The following PIK3C2A variants were observed in gnomAD, a reference collection of about 807,000 sequenced individuals.
PIK3C2A encodes phosphatidylinositol-4-phosphate 3-kinase catalytic subunit type 2 alpha.
Under a neutral mutation model 204.5 loss-of-function variants are expected in PIK3C2A, and 97 were observed. The ratio of observed to expected loss-of-function variants is 0.47; its 90% CI spans 0.40 to 0.56. The LOEUF (loss-of-function observed/expected upper bound fraction) is 0.56, where lower values mean the gene tolerates loss of function less well. Ranked by LOEUF, PIK3C2A falls within the 20% of genes least tolerant of loss-of-function variation. The probability of loss-of-function intolerance (pLI) is 0.00; values close to 1 mark genes in which losing one functional copy is unlikely to be tolerated. For missense variants in PIK3C2A, 1,735 were observed against 1,969.2 expected (o/e 0.88, Z 2.25); for synonymous variants, 653 against 664.4 (o/e 0.98, Z 0.26).
At chr11:17,189,812 C>CAAAAAA (rs759869051) in intron 1 of PIK3C2A, among the ~76,000 whole-genome samples, 11 of 60,364 alleles carry the variant, frequency 1.8e-4, no homozygotes, top group African/African-American at 2.3e-4. Flanking sequence ...GGCTCTGTCT[C>CAAAAAA]AAAAAAAAAA....
chr11:17,125,124 G>A (rs1032120664), intron 13 of PIK3C2A, among the ~76,000 whole-genome samples: 7 of 152,096 alleles, frequency 4.6e-5, no homozygotes, highest in Non-Finnish European at 7.3e-5. Flanking sequence ...TTATGAAGTT[G>A]CAGAAAAACT....
chr11:17,145,669 T>A lies in PIK3C2A; in HGVS notation c.1703A>T (p.Glu568Val). Reference protein sequence around the residue: ...HNQVELALQIENQHRAVDQVI... With the variant: ...HNQVELALQIVNQHRAVDQVI... ...GCCAAAATGTGAATTAAGACTTACTTCAATTTGAAGAGCCAGTTCTACTTG... is the reference window on the plus strand; with the variant it reads ...GCCAAAATGTGAATTAAGACTTACTACAATTTGAAGAGCCAGTTCTACTTG... The change falls in exon 8 of 33, where the codon GAA becomes GTA. Residue 568 changes from glutamate to valine, a missense_variant and splice_region_variant. By Grantham distance (121) the Glu-to-Val change is moderately radical. Transcript: ENST00000691414. The A allele has an allele frequency of 6.3e-7, 1 of 1,587,378 alleles. No homozygotes were observed. Among genetic ancestry groups the A allele is most frequent in the Non-Finnish European group, 8.6e-7 (1 of 1,158,460 alleles).
intron 1 of PIK3C2A, among the ~76,000 whole-genome samples, chr11:17,185,496 C>A (rs1234733379): frequency 6.6e-6 from 1 of 152,160 alleles, no homozygotes; most frequent in African/African-American, 2.4e-5. Context: ...AAGTTTTAGG[C>A]ATCCACTGGG....
intron 15 of PIK3C2A, among the ~76,000 whole-genome samples, chr11:17,121,191 C>A (rs1254734488): frequency 6.6e-6 from 1 of 152,058 alleles, no homozygotes; most frequent in African/African-American, 2.4e-5. Context: ...GATCATAGAT[C>A]ACTGCAGCCT....
At chr11:17,173,006 AT>A (rs1413892861) in intron 1 of PIK3C2A, among the ~76,000 whole-genome samples, 1 of 152,168 alleles carries the variant, frequency 6.6e-6, no homozygotes, top group African/African-American at 2.4e-5. Context: ...TTCTTTACAC[AT>A]TCTGCCTTGG....
intron 25 of PIK3C2A, 44 bp downstream of exon 25, chr11:17,101,234 T>A (rs760787504): frequency 9.5e-7 from 1 of 1,056,818 alleles, no homozygotes; most frequent in Non-Finnish European, 1.3e-6. Context: ...GAAACATAGA[T>A]GCATTAATAT....
Position 17,150,649 on chromosome 11 carries a change from C to T in PIK3C2A, c.1176G>A (p.Lys392=), listed in dbSNP as rs1420817403. The change falls in exon 4 of 33, where the codon AAG becomes AAA. Residue 392 remains lysine, a synonymous_variant. Transcript: ENST00000691414. ...AAFCRSITKL[K]TKFPYTNHRT... is the part of the protein sequence containing the mutation. ...GGTGATTGGTATATGGAAATTTGGT[C>T]TTCAATCTGTTCACAAGAAAGAAGA... is the stretch of plus-strand genomic sequence containing the variant. 5.0e-6 allele frequency: 8 copies of T among 1,591,128 alleles called. No individual in the cohort carries two copies. The highest frequency in any genetic ancestry group is 4.1e-5 in the African/African-American group (3 of 73,134).
At chr11:17,127,145 A>G (rs1451252951) in intron 13 of PIK3C2A, among the ~76,000 whole-genome samples, 1 of 152,214 alleles carries the variant, frequency 6.6e-6, no homozygotes, top group African/African-American at 2.4e-5. Flanking sequence ...CACCATTAAC[A>G]GTAATCCCTT....
At chr11:17,202,552 C>T (rs927219262) in intron 1 of PIK3C2A, among the ~76,000 whole-genome samples, 1 of 151,596 alleles carries the variant, frequency 6.6e-6, no homozygotes, top group African/African-American at 2.4e-5. Context: ...CCAGCCTGAG[C>T]GACACAGAGA....
rs549137813 is a variant in PIK3C2A, at chr11:17,127,780, ATTTGT to A, written c.2399+1515_2399+1519del. Among the ~76,000 whole-genome samples, 383 of 152,330 alleles carry A rather than the reference ATTTGT, an allele frequency of 2.5e-3. 2 individuals are homozygous for A. Among genetic ancestry groups the A allele is most frequent in the African/African-American group, 8.8e-3 (366 of 41,590 alleles). ...ATTAGCAGAAATTTTCATTCTCGGT[ATTTGT>A]TTTAAGTTAAATAGATCTATTATTA... On this transcript the variant is annotated intron_variant, in intron 13 of 32. Coordinates refer to ENST00000691414, the MANE Select transcript of PIK3C2A (RefSeq NM_002645.4).
At chr11:17,110,373 C>T (rs575146927) in intron 22 of PIK3C2A, 59 bp downstream of exon 22, 5 of 1,332,652 alleles carry the variant, frequency 3.8e-6, no homozygotes, top group South Asian at 1.4e-5. Flanking sequence ...ACGGCAGGTA[C>T]ACTTTAAGCT....
In PIK3C2A at chr11:17,167,839, T is replaced by C. The variant is rs186454691; in HGVS notation, c.1065+838A>G. Among the ~76,000 whole-genome samples, 24 of 152,196 alleles carry C rather than the reference T, an allele frequency of 1.6e-4. No homozygotes were observed. The East Asian group carries it at 2.9e-3, about 18-fold the overall frequency. ...CACAGATATAAAAGCAAAACACAAA[T>C]CTGCAATGGTAATATTTCATTCTTC... On this transcript the variant is annotated intron_variant, in intron 2 of 32. Coordinates refer to ENST00000691414, the MANE Select transcript of PIK3C2A (RefSeq NM_002645.4).
At chr11:17,177,393 G>C (rs745330882) in intron 1 of PIK3C2A, among the ~76,000 whole-genome samples, 1 of 152,092 alleles carries the variant, frequency 6.6e-6, no homozygotes, top group Non-Finnish European at 1.5e-5. Context: ...TCAATGACTA[G>C]AGAACATAAG....
chr11:17,184,191 A>ATTGTTACT (rs1241225501), intron 1 of PIK3C2A, among the ~76,000 whole-genome samples: 2 of 151,052 alleles, frequency 1.3e-5, no homozygotes, highest in African/African-American at 4.9e-5. Flanking sequence ...TATATTTTTC[A>ATTGTTACT]TTGTTACTTT....
intron 7 of PIK3C2A, 36 bp from the exon 8 acceptor site, chr11:17,145,767 C>T (rs958223855): frequency 6.4e-7 from 1 of 1,558,776 alleles, no homozygotes; most frequent in African/African-American, 1.4e-5. Context: ...CTGAAGGATG[C>T]TACACACAAA....
intron 2 of PIK3C2A, among the ~76,000 whole-genome samples, chr11:17,167,913 T>C (rs1441230581): frequency 6.6e-6 from 1 of 152,112 alleles, no homozygotes; most frequent in African/African-American, 2.4e-5. Context: ...AAATTGCTCT[T>C]CTCTCTGGGG....
chr11:17,101,844 C>T (rs1413424945), intron 24 of PIK3C2A, among the ~76,000 whole-genome samples: 5 of 151,884 alleles, frequency 3.3e-5, no homozygotes, highest in African/African-American at 1.2e-4. Context: ...ACCTTGTGAT[C>T]CGCCCGCCTT....
At chr11:17,136,704 A>G (rs1476928393) in intron 8 of PIK3C2A, 79 bp from the exon 9 acceptor site, 10 of 684,948 alleles carry the variant, frequency 1.5e-5, no homozygotes, top group Non-Finnish European at 2.4e-5. Context: ...CAGAAACTAG[A>G]TATCTTAGAT....
intron 1 of PIK3C2A, among the ~76,000 whole-genome samples, chr11:17,184,382 T>C (rs938980719): frequency 5.9e-5 from 9 of 152,090 alleles, no homozygotes; most frequent in African/African-American, 2.2e-4. Context: ...AACAGCTGTA[T>C]TGATTATCCT....
Sources: allele counts gnomAD v4.1 joint callset (sites outside exome capture counted in the v4.1 genomes callset), GRCh38; gene constraint gnomAD v4.1.1; transcripts MANE v1.5; gene names NCBI Gene and HGNC (gene_info 2026-07-23, HGNC 2026-07-21).